Variants in CHCHD3 observed in about 807,000 individuals in gnomAD.
The protein encoded by CHCHD3 is coiled-coil-helix-coiled-coil-helix domain containing 3, also known as MICOS complex subunit MIC19.
A neutral mutation model predicts 38.2 loss-of-function variants in CHCHD3; 20 were observed. That is an observed-to-expected ratio of 0.52 (90% CI 0.37 to 0.76). The LOEUF (loss-of-function observed/expected upper bound fraction) is 0.76, where lower values mean the gene tolerates loss of function less well. Ranked by LOEUF, CHCHD3 falls within the 30% of genes least tolerant of loss-of-function variation. The pLI is 0.00. For synonymous variants in CHCHD3, 82 were observed against 100.0 expected (o/e 0.82, Z 1.07); for missense variants, 245 against 279.2 (o/e 0.88, Z 0.87).
chr7:133,009,126 G>A (rs1269157788), intron 3 of CHCHD3, among the ~76,000 whole-genome samples: 2 of 151,950 alleles, frequency 1.3e-5, no homozygotes, highest in Non-Finnish European at 2.9e-5. Context: ...CACTTTGGGA[G>A]GCCAAGGCAG....
chr7:132,820,636 T>TTTTTC (rs1563245345), intron 6 of CHCHD3, among the ~76,000 whole-genome samples: 2 of 135,624 alleles, frequency 1.5e-5, no homozygotes, highest in Admixed American at 7.4e-5. Context: ...TTTTTTTTTT[T>TTTTTC]ATTGCCCCTA....
intron 1 of CHCHD3, 41 bp downstream of exon 1, chr7:133,081,816 G>A (rs751556686): frequency 1.1e-4 from 168 of 1,543,178 alleles, no homozygotes; most frequent in Non-Finnish European, 1.4e-4. Context: ...CTTGGGGTCC[G>A]AGTCCAACCA....
chr7:133,039,344 T>G (rs1035187843), intron 2 of CHCHD3, among the ~76,000 whole-genome samples: 5 of 152,194 alleles, frequency 3.3e-5, no homozygotes, highest in African/African-American at 9.7e-5. Flanking sequence ...TTATTTGGAT[T>G]TAAAGAAAAA....
At chr7:132,917,978 C>T (rs1357776831) in intron 4 of CHCHD3, among the ~76,000 whole-genome samples, 1 of 149,784 alleles carries the variant, frequency 6.7e-6, no homozygotes, top group African/African-American at 2.5e-5. Context: ...TGTGAGCAAA[C>T]AAAAGAGAAA....
At chr7:132,996,911 T>C (rs894061752) in intron 3 of CHCHD3, among the ~76,000 whole-genome samples, 7 of 152,224 alleles carry the variant, frequency 4.6e-5, no homozygotes, top group Admixed American at 4.6e-4. Flanking sequence ...GCTACACAAA[T>C]GTTTCATAAA....
At chr7:132,793,552 A>G (rs1338688342) in intron 7 of CHCHD3, among the ~76,000 whole-genome samples, 1 of 152,222 alleles carries the variant, frequency 6.6e-6, no homozygotes, top group Non-Finnish European at 1.5e-5. Flanking sequence ...AGAAACACTG[A>G]TATGAATAAG....
At chr7:132,841,431 A>AAC (rs1585562576) in intron 5 of CHCHD3, among the ~76,000 whole-genome samples, 5 of 125,198 alleles carry the variant, frequency 4.0e-5, no homozygotes, top group African/African-American at 8.0e-5. Context: ...ACAACAACAA[A>AAC]AAAAAAAAAA....
At chr7:132,827,463 A>T (rs1172356685) in intron 6 of CHCHD3, among the ~76,000 whole-genome samples, 1 of 152,178 alleles carries the variant, frequency 6.6e-6, no homozygotes, top group Non-Finnish European at 1.5e-5. Context: ...GACCTGTCAC[A>T]TGAGGTCAGG....
intron 4 of CHCHD3, among the ~76,000 whole-genome samples, chr7:132,963,327 T>C (rs1185851701): frequency 7.3e-6 from 1 of 137,680 alleles, no homozygotes; most frequent in Admixed American, 7.3e-5. Flanking sequence ...TTGTAATTTT[T>C]TTTTTTTTTT....
chr7:132,837,585 TAGTAATTCC>T lies in CHCHD3; in HGVS notation c.524+805_524+813del, dbSNP rs1326607365. On this transcript the variant is annotated intron_variant, in intron 6 of 7. Transcript: ENST00000262570. ...ACACAAATTGTACTGTAGCAGAAAG[TAGTAATTCC>T]ACCTTAGGGTTTAATCATTTTATCA... Among the ~76,000 whole-genome samples, 6 of 152,230 alleles carry T rather than the reference TAGTAATTCC, an allele frequency of 3.9e-5. No homozygotes were observed. The East Asian group carries it at 7.7e-4, about 20-fold the overall frequency.
intron 4 of CHCHD3, among the ~76,000 whole-genome samples, chr7:132,910,311 A>C (rs1156789088): frequency 6.6e-6 from 1 of 152,192 alleles, no homozygotes; most frequent in Non-Finnish European, 1.5e-5. Context: ...CTCCATAACA[A>C]GTGCCCCCCA....
intron 4 of CHCHD3, among the ~76,000 whole-genome samples, chr7:132,903,693 T>C (rs1809725574): frequency 6.6e-6 from 1 of 152,358 alleles, no homozygotes; most frequent in Admixed American, 6.5e-5. Flanking sequence ...GGCCTGCTTA[T>C]GGCTATAGTT....
chr7:133,035,091 T>C lies in CHCHD3; in HGVS notation c.170-10464A>G, dbSNP rs1485300025. Reference sequence around the variant, plus strand: ...CTTGGGCAGGTGAGCGAAGGGGTCCTTGGCCTTGGGCTCAGCAGCCAGCGC... The same window carrying C: ...CTTGGGCAGGTGAGCGAAGGGGTCCCTGGCCTTGGGCTCAGCAGCCAGCGC... On this transcript the variant is annotated intron_variant, in intron 2 of 7. Transcript: ENST00000262570. This position sits in a 1 kb window ranked among gnomAD's most constrained non-coding sequence, Gnocchi z 4.7. The C allele has an allele frequency of 1.9e-6, 3 of 1,613,668 alleles. No homozygotes were observed. The highest frequency in any genetic ancestry group is 1.7e-6 in the Non-Finnish European group (2 of 1,179,744).
intron 3 of CHCHD3, among the ~76,000 whole-genome samples, chr7:133,014,322 G>C (rs1196066340): frequency 7.6e-6 from 1 of 130,864 alleles, no homozygotes; most frequent in Non-Finnish European, 1.6e-5. Flanking sequence ...TTGTTTGGGG[G>C]ATAACTCAAA....
intron 5 of CHCHD3, among the ~76,000 whole-genome samples, chr7:132,869,628 C>T (rs1808716607): frequency 6.6e-6 from 1 of 152,134 alleles, no homozygotes; most frequent in African/African-American, 2.4e-5. Context: ...GCTCTGTTGC[C>T]CAGGCTGGAG....
At chr7:132,957,798 A>G (rs75010016) in intron 4 of CHCHD3, among the ~76,000 whole-genome samples, 2 of 152,094 alleles carry the variant, frequency 1.3e-5, no homozygotes, top group Non-Finnish European at 2.9e-5. Flanking sequence ...TCTTTCTTCA[A>G]TAAACTTTTG....
At chr7:133,054,013 A>C (rs1004168852) in intron 2 of CHCHD3, among the ~76,000 whole-genome samples, 4 of 152,260 alleles carry the variant, frequency 2.6e-5, no homozygotes. Context: ...GTATTGCTTC[A>C]TTAGTGCACA....
At chr7:132,859,184 T>C (rs979698655) in intron 5 of CHCHD3, among the ~76,000 whole-genome samples, 6 of 152,168 alleles carry the variant, frequency 3.9e-5, no homozygotes, top group African/African-American at 1.4e-4. Context: ...TCTAATTGAA[T>C]ACTATTACCT....
chr7:132,973,008 T>C (rs1811649769), intron 4 of CHCHD3: 2 of 985,408 alleles, frequency 2.0e-6, no homozygotes, highest in Middle Eastern at 1.0e-3. Context: ...TTAGTTATGT[T>C]GAGTAACAAA....
Sources: allele counts gnomAD v4.1 joint callset (sites outside exome capture counted in the v4.1 genomes callset), GRCh38; gene constraint gnomAD v4.1.1; non-coding constraint Gnocchi (gnomAD v3.1); transcripts MANE v1.5; gene names NCBI Gene and HGNC (gene_info 2026-07-23, HGNC 2026-07-21).